PTPRD: variants seen among roughly 807,000 people sequenced by gnomAD.
PTPRD encodes the protein protein tyrosine phosphatase receptor type D, also known as receptor-type tyrosine-protein phosphatase delta.
A neutral mutation model predicts 214.5 loss-of-function variants in PTPRD; 34 were observed. That is an observed-to-expected ratio of 0.16 (90% CI 0.12 to 0.21). The LOEUF is 0.21. PTPRD is among the 10% of genes least tolerant of loss of function. The pLI, the probability that PTPRD is intolerant of heterozygous loss-of-function variation, is 1.00. For missense variants in PTPRD, 2,545 were observed against 2,398.7 expected, an observed-to-expected ratio of 1.06 and a Z score of -1.27; for synonymous variants, 1,128 against 845.7, an observed-to-expected ratio of 1.33 and a Z score of -5.79.
At chr9:9,266,992 TA>T (rs1373253562) in intron 9 of PTPRD, among the ~76,000 whole-genome samples, 2 of 150,980 alleles carry the variant, frequency 1.3e-5, no homozygotes, top group African/African-American at 4.8e-5. Context: ...ATTAGAAAAA[TA>T]TCAACAAAAC....
intron 3 of PTPRD, among the ~76,000 whole-genome samples, chr9:10,317,254 ATTAG>A (rs1026553048): frequency 5.9e-5 from 9 of 151,938 alleles, no homozygotes; most frequent in Admixed American, 2.6e-4. Flanking sequence ...ATCTAATTTA[ATTAG>A]TTAATTAGAT....
intron 11 of PTPRD, among the ~76,000 whole-genome samples, chr9:8,771,830 A>AT (rs2095235736): frequency 6.6e-6 from 1 of 152,164 alleles, no homozygotes; most frequent in Non-Finnish European, 1.5e-5. Flanking sequence ...AAAAAAAAAA[A>AT]AAAAATTCAG....
At chr9:9,147,906 T>G (rs970594076) in intron 10 of PTPRD, among the ~76,000 whole-genome samples, 3 of 152,168 alleles carry the variant, frequency 2.0e-5, no homozygotes, top group Non-Finnish European at 4.4e-5. Context: ...AGGAAGGCAG[T>G]TGTGGAAGGT....
intron 3 of PTPRD, among the ~76,000 whole-genome samples, chr9:10,134,119 G>C (rs1166346947): frequency 6.6e-6 from 1 of 152,066 alleles, no homozygotes; most frequent in African/African-American, 2.4e-5. Flanking sequence ...ACCCTGCCCA[G>C]AGGTCTCCCA....
At chr9:9,511,042 G>C (rs1266437997) in intron 8 of PTPRD, among the ~76,000 whole-genome samples, 1 of 151,664 alleles carries the variant, frequency 6.6e-6, no homozygotes, top group Non-Finnish European at 1.5e-5. Flanking sequence ...TCCAAACAAA[G>C]CTCTTGTACA....
intron 4 of PTPRD, among the ~76,000 whole-genome samples, chr9:9,959,888 A>AT (rs2094229590): frequency 6.6e-6 from 1 of 152,226 alleles, no homozygotes; most frequent in African/African-American, 2.4e-5. Flanking sequence ...CATATTTAGC[A>AT]TAATATATAG....
chr9:8,508,304 T>A (rs1294467821), intron 21 of PTPRD, among the ~76,000 whole-genome samples: 2 of 152,212 alleles, frequency 1.3e-5, no homozygotes, highest in South Asian at 4.1e-4. Context: ...TCAAATGAAC[T>A]AGAATAATTA....
intron 9 of PTPRD, among the ~76,000 whole-genome samples, chr9:9,312,396 A>G (rs960387793): frequency 6.6e-6 from 1 of 152,198 alleles, no homozygotes; most frequent in African/African-American, 2.4e-5. Context: ...TACATTGTAC[A>G]GCATGTCTTT....
intron 9 of PTPRD, among the ~76,000 whole-genome samples, chr9:9,320,607 A>G (rs1965995915): frequency 1.3e-5 from 2 of 152,104 alleles, no homozygotes; most frequent in Admixed American, 6.6e-5. Flanking sequence ...TTCGTCTACT[A>G]TCCTCCTGAT....
At chr9:9,378,543 T>C (rs1035650344) in intron 9 of PTPRD, among the ~76,000 whole-genome samples, 8 of 152,154 alleles carry the variant, frequency 5.3e-5, no homozygotes, top group Non-Finnish European at 1.0e-4. Flanking sequence ...CTATGGAGAT[T>C]GTTGCATCAT....
intron 7 of PTPRD, among the ~76,000 whole-genome samples, chr9:9,722,378 A>T (rs2097969205): frequency 6.6e-6 from 1 of 152,050 alleles, no homozygotes; most frequent in Admixed American, 6.5e-5. Context: ...AGATTCATTC[A>T]TATTACAGCA....
At chr9:8,777,923 A>T (rs1445791692) in intron 11 of PTPRD, among the ~76,000 whole-genome samples, 1 of 152,214 alleles carries the variant, frequency 6.6e-6, no homozygotes, top group Non-Finnish European at 1.5e-5. Flanking sequence ...ACAACAGAAG[A>T]AATTTTGGGC....
intron 5 of PTPRD, among the ~76,000 whole-genome samples, chr9:9,882,567 G>C (rs1180994440): frequency 1.3e-5 from 2 of 152,060 alleles, no homozygotes; most frequent in Non-Finnish European, 2.9e-5. Context: ...CTTTCTGAAG[G>C]AAAGAATGAG....
At chr9:10,277,368 T>C (rs1174915593) in intron 3 of PTPRD, among the ~76,000 whole-genome samples, 3 of 152,134 alleles carry the variant, frequency 2.0e-5, no homozygotes, top group East Asian at 1.9e-4. Flanking sequence ...TCCATCAAAA[T>C]TTGGAATTTT....
At chr9:8,992,174 G>A (rs956295873) in intron 11 of PTPRD, among the ~76,000 whole-genome samples, 5 of 152,102 alleles carry the variant, frequency 3.3e-5, no homozygotes, top group African/African-American at 1.2e-4. Context: ...ATTTAACCCT[G>A]AATGGCTATA....
At position 9,835,926 on chromosome 9, in the gene PTPRD, T is replaced by C. The variant is rs538507749; in HGVS notation, c.-367-69075A>G. Among the ~76,000 whole-genome samples, 6 of 152,244 alleles carry C rather than the reference T, an allele frequency of 3.9e-5. No individual in the cohort carries two copies. The South Asian group carries it at 1.2e-3, about 32-fold the overall frequency. On this transcript the variant is annotated intron_variant, in intron 5 of 45. Transcript: ENST00000381196. The stretch of plus-strand genomic sequence containing the variant: ...CTGGTGCCAGTTTTACAATAAGTGA[T>C]GAATGATATTCTACCACTAGATGGA...
At chr9:10,379,164 CTAT>C (rs1214052319) in intron 2 of PTPRD, among the ~76,000 whole-genome samples, 1 of 150,594 alleles carries the variant, frequency 6.6e-6, no homozygotes. Flanking sequence ...TTTAATTTTA[CTAT>C]TATTATACTT....
At chr9:8,935,069 T>G (rs1234248392) in intron 11 of PTPRD, among the ~76,000 whole-genome samples, 2 of 152,146 alleles carry the variant, frequency 1.3e-5, no homozygotes, top group South Asian at 4.1e-4. Flanking sequence ...ATTTATCTGT[T>G]GATAAACACA....
chr9:8,515,098 T>C (rs2097761151), intron 21 of PTPRD, among the ~76,000 whole-genome samples: 1 of 152,218 alleles, frequency 6.6e-6, no homozygotes, highest in Non-Finnish European at 1.5e-5. Context: ...TGGGTATCTC[T>C]TTATAGCAGT....
Sources: gnomAD v4.1 joint callset for allele counts (sites outside exome capture counted in the v4.1 genomes callset) on GRCh38, gnomAD v4.1.1 for gene constraint, MANE v1.5 for transcripts, NCBI Gene and HGNC (gene_info 2026-07-23, HGNC 2026-07-21) for gene names.